MYT1L: variants seen among roughly 807,000 people sequenced by gnomAD.
MYT1L encodes myelin transcription factor 1 like.
Under a neutral mutation model 126.7 loss-of-function variants are expected in MYT1L, and 12 were observed. The observed-to-expected ratio is 0.09, with a 90% CI of 0.06 to 0.15. The LOEUF is 0.15. Among genes scored for constraint, MYT1L ranks in the 10% least tolerant of loss-of-function variants. The probability of loss-of-function intolerance (pLI) is 1.00; values close to 1 mark genes in which losing one functional copy is unlikely to be tolerated. For missense variants in MYT1L, 979 were observed against 1,585.2 expected (o/e 0.62, Z 6.49); for synonymous variants, 541 against 604.2 (o/e 0.90, Z 1.53).
intron 23 of MYT1L, 128 bp from the exon 24 acceptor site, chr2:1,792,592 G>A (rs1016014588): frequency 2.1e-5 from 22 of 1,029,370 alleles, no homozygotes; most frequent in Middle Eastern, 3.1e-4. Context: ...GCTTCGGGCC[G>A]GGCGCCGTGG....
At chr2:2,101,326 T>A (rs890274758) in intron 3 of MYT1L, among the ~76,000 whole-genome samples, 1 of 152,142 alleles carries the variant, frequency 6.6e-6, no homozygotes, top group Non-Finnish European at 1.5e-5. Flanking sequence ...CTCTCTCATA[T>A]GCCATTCACA....
intron 1 of MYT1L, among the ~76,000 whole-genome samples, chr2:2,314,064 T>G (rs1349961895): frequency 6.6e-6 from 1 of 152,190 alleles, no homozygotes; most frequent in Non-Finnish European, 1.5e-5. Flanking sequence ...TTATAGTTAT[T>G]TTTGCGTACC....
chr2:2,011,279 TACC>T (rs2063792716), intron 4 of MYT1L, among the ~76,000 whole-genome samples: 1 of 151,946 alleles, frequency 6.6e-6, no homozygotes, highest in Admixed American at 6.6e-5. Flanking sequence ...TAATCCGAAC[TACC>T]ATGTTAGGCT....
At chr2:2,217,688 C>CAAAAA (rs1192733884) in intron 2 of MYT1L, among the ~76,000 whole-genome samples, 6 of 70,878 alleles carry the variant, frequency 8.5e-5, no homozygotes, top group African/African-American at 3.1e-4. Context: ...ACAACAACAA[C>CAAAAA]AACAACAACA....
At chr2:1,918,739 A>G (rs955363812) in intron 10 of MYT1L, among the ~76,000 whole-genome samples, 17 of 152,204 alleles carry the variant, frequency 1.1e-4, no homozygotes, top group African/African-American at 3.1e-4. Flanking sequence ...GGGAAATACC[A>G]TTTGTACAAT....
At chr2:1,982,779 C>T (rs2060704863) in intron 5 of MYT1L, among the ~76,000 whole-genome samples, 1 of 152,172 alleles carries the variant, frequency 6.6e-6, no homozygotes, top group Non-Finnish European at 1.5e-5. Flanking sequence ...GCCAGTCACA[C>T]TCAGTCATCA....
intron 3 of MYT1L, among the ~76,000 whole-genome samples, chr2:2,072,004 T>C (rs2074661221): frequency 6.6e-6 from 1 of 152,178 alleles, no homozygotes. Context: ...AAGATAAATA[T>C]ATGGAATTGT....
intron 8 of MYT1L, among the ~76,000 whole-genome samples, chr2:1,951,646 T>G (rs547090997): frequency 6.6e-6 from 1 of 152,268 alleles, no homozygotes; most frequent in South Asian, 2.1e-4. Context: ...CCGCGGGAGA[T>G]GTATTTACCT....
At chr2:2,087,898 C>T (rs901238834) in intron 3 of MYT1L, among the ~76,000 whole-genome samples, 4 of 152,242 alleles carry the variant, frequency 2.6e-5, no homozygotes, top group African/African-American at 4.8e-5. Context: ...AAACACCACA[C>T]GTGGTCTACT....
At chr2:1,913,500 C>T (rs1388414871) in intron 11 of MYT1L, among the ~76,000 whole-genome samples, 2 of 152,128 alleles carry the variant, frequency 1.3e-5, no homozygotes, top group Non-Finnish European at 2.9e-5. Context: ...TACAGGGAGG[C>T]CTCTCCAGGA....
At chr2:2,126,457 G>A (rs879835397) in intron 3 of MYT1L, among the ~76,000 whole-genome samples, 1 of 152,078 alleles carries the variant, frequency 6.6e-6, no homozygotes, top group Admixed American at 6.6e-5. Flanking sequence ...TGGGGTCTGG[G>A]GCCCAGAAAG....
intron 5 of MYT1L, among the ~76,000 whole-genome samples, chr2:1,991,608 G>A (rs777008104): frequency 2.6e-5 from 4 of 152,018 alleles, no homozygotes; most frequent in Non-Finnish European, 4.4e-5. Context: ...TGACCTCTGA[G>A]GACCCACTCT....
At chr2:2,042,074 A>T (rs2067617856) in intron 4 of MYT1L, among the ~76,000 whole-genome samples, 1 of 152,176 alleles carries the variant, frequency 6.6e-6, no homozygotes, top group Admixed American at 6.5e-5. Context: ...AGCCAGAGAC[A>T]TTCAGTGGCA....
chr2:2,229,784 C>T (rs181842522), intron 2 of MYT1L, among the ~76,000 whole-genome samples: 1 of 152,170 alleles, frequency 6.6e-6, no homozygotes, highest in Non-Finnish European at 1.5e-5. Flanking sequence ...CATAGCTGCT[C>T]CCATGGTGTG....
chr2:1,902,812 C>T (rs1053534424), intron 14 of MYT1L: 2 of 467,418 alleles, frequency 4.3e-6, no homozygotes, highest in Non-Finnish European at 3.9e-6. Context: ...ATAGCTTCTC[C>T]CTCTCCACAT....
intron 4 of MYT1L, among the ~76,000 whole-genome samples, chr2:2,010,994 G>A (rs1297763962): frequency 6.6e-6 from 1 of 152,192 alleles, no homozygotes; most frequent in Non-Finnish European, 1.5e-5. Flanking sequence ...AGCCCAGTGA[G>A]ATGGAGTTGG....
chr2:1,937,627 C>T (rs772348695), intron 9 of MYT1L, among the ~76,000 whole-genome samples: 7 of 151,330 alleles, frequency 4.6e-5, no homozygotes, highest in Non-Finnish European at 8.8e-5. Flanking sequence ...GCCATCAGAT[C>T]GCACACTGAG....
rs780878610 is a variant in MYT1L, at chr2:1,792,327, C to T, written c.3414G>A (p.Pro1138=). 15 of 1,601,908 alleles carry T rather than the reference C, an allele frequency of 9.4e-6. No individual in the cohort carries two copies. Among genetic ancestry groups the T allele is most frequent in the Admixed American group, 3.4e-5 (2 of 58,266 alleles). Residue 1138 remains proline (P), a synonymous_variant, in exon 24 of 25, where the codon CCG becomes CCA. Transcript: ENST00000647738. ...LIHSLANIQL[P]HMDPINEQNF... ...TGCGTGCTCAGTCACTTACCATGTG[C>T]GGCAGCTGGATGTTAGCCAGGCTGT...
chr2:2,145,238 G>C (rs968883310), intron 3 of MYT1L, among the ~76,000 whole-genome samples: 6 of 152,140 alleles, frequency 3.9e-5, no homozygotes, highest in African/African-American at 1.4e-4. Context: ...AATGGCCCGT[G>C]GGGAGGAGAT....
Sources: gnomAD v4.1 joint callset for allele counts (sites outside exome capture counted in the v4.1 genomes callset) on GRCh38, gnomAD v4.1.1 for gene constraint, MANE v1.5 for transcripts, NCBI Gene and HGNC (gene_info 2026-07-23, HGNC 2026-07-21) for gene names.